Variants in PTPRT observed in about 807,000 individuals in gnomAD.
PTPRT encodes the protein receptor-type tyrosine-protein phosphatase T.
In PTPRT, 56 loss-of-function variants were observed where a neutral mutation model predicts 176.8. That is an observed-to-expected ratio of 0.32 (90% CI 0.26 to 0.40). PTPRT has a LOEUF of 0.40. PTPRT is among the 10% of genes least tolerant of loss of function. PTPRT has a pLI of 1.00. For synonymous variants in PTPRT, 783 were observed against 739.0 expected (o/e 1.06, Z -0.96); for missense variants, 1,540 against 1,908.2 (o/e 0.81, Z 3.60).
intron 1 of PTPRT, among the ~76,000 whole-genome samples, chr20:43,135,635 G>C (rs1263696161): frequency 2.6e-5 from 4 of 151,990 alleles, no homozygotes; most frequent in Non-Finnish European, 4.4e-5. Flanking sequence ...CTGTTACAAA[G>C]AAACACACTG....
intron 9 of PTPRT, among the ~76,000 whole-genome samples, chr20:42,443,922 C>T (rs2059340647): frequency 6.6e-6 from 1 of 152,200 alleles, no homozygotes; most frequent in Non-Finnish European, 1.5e-5. Context: ...GGTGCATTTT[C>T]CAGATGTTTC....
At chr20:42,432,758 A>G (rs1483012449) in intron 9 of PTPRT, among the ~76,000 whole-genome samples, 1 of 152,162 alleles carries the variant, frequency 6.6e-6, no homozygotes, top group Non-Finnish European at 1.5e-5. Flanking sequence ...ACCAATTACA[A>G]ATTTAAAAAT....
At chr20:43,028,194 A>G (rs530276425) in intron 1 of PTPRT, among the ~76,000 whole-genome samples, 1 of 152,254 alleles carries the variant, frequency 6.6e-6, no homozygotes, top group Admixed American at 6.5e-5. Context: ...TGTCTCCTGC[A>G]TGGACTCAGT....
intron 27 of PTPRT, 133 bp downstream of exon 27, chr20:42,098,288 T>C: frequency 8.0e-7 from 1 of 1,250,572 alleles, no homozygotes; most frequent in Non-Finnish European, 1.1e-6. Context: ...CTGATGCTCG[T>C]GGCCAGACAC....
intron 1 of PTPRT, among the ~76,000 whole-genome samples, chr20:43,144,397 C>G (rs753218315): frequency 1.3e-5 from 2 of 152,194 alleles, no homozygotes; most frequent in Non-Finnish European, 2.9e-5. Flanking sequence ...ATTCATTCTT[C>G]CTCCTAACAG....
chr20:42,351,044 AG>A (rs2058276110), intron 10 of PTPRT, among the ~76,000 whole-genome samples: 2 of 152,190 alleles, frequency 1.3e-5, no homozygotes, highest in Admixed American at 1.3e-4. Context: ...AAGAAGTGAA[AG>A]CAGAGTCAAC....
intron 29 of PTPRT, among the ~76,000 whole-genome samples, chr20:42,082,720 G>A (rs967047154): frequency 6.6e-6 from 1 of 152,174 alleles, no homozygotes; most frequent in African/African-American, 2.4e-5. Flanking sequence ...ACTCCTTTCT[G>A]AAACTCCATA....
intron 3 of PTPRT, among the ~76,000 whole-genome samples, chr20:42,781,067 G>A (rs80339795): frequency 0.027 from 4,063 of 151,966 alleles, 195 homozygotes; most frequent in African/African-American, 0.092. Context: ...CCCATACTCC[G>A]GCACAGTCTC....
At chr20:42,911,160 T>G (rs189144111) in intron 1 of PTPRT, among the ~76,000 whole-genome samples, 2 of 152,124 alleles carry the variant, frequency 1.3e-5, no homozygotes, top group Admixed American at 6.5e-5. Flanking sequence ...AAACACTTTT[T>G]TTTTAAATCA....
intron 2 of PTPRT, among the ~76,000 whole-genome samples, chr20:42,811,036 C>A (rs1198423394): frequency 1.3e-5 from 2 of 152,076 alleles, no homozygotes; most frequent in Non-Finnish European, 2.9e-5. Flanking sequence ...ATTATAAATA[C>A]CCATAACTCT....
At chr20:42,936,184 C>A (rs1979417486) in intron 1 of PTPRT, among the ~76,000 whole-genome samples, 2 of 151,912 alleles carry the variant, frequency 1.3e-5, no homozygotes, top group Admixed American at 6.6e-5. Context: ...ATAGAGAAAG[C>A]AAAACAGGAA....
At chr20:43,071,559 G>T (rs1344927063) in intron 1 of PTPRT, among the ~76,000 whole-genome samples, 1 of 152,166 alleles carries the variant, frequency 6.6e-6, no homozygotes, top group Non-Finnish European at 1.5e-5. Flanking sequence ...GCCGATGCAG[G>T]TGGATGACAT....
rs75354519 is a variant in PTPRT, at chr20:42,244,001, T to C, written c.2312+4686A>G. On this transcript the variant is annotated intron_variant, in intron 14 of 30. Transcript: ENST00000373187. The stretch of plus-strand genomic sequence containing the variant: ...GCTGGCCTGGTACAGTTGATGGTCA[T>C]GTGGAGATGAATGTTTCTGTAGATA... 3.8e-3 allele frequency among the ~76,000 whole-genome samples: 584 copies of C among 152,316 alleles called. 3 individuals are homozygous for C. Among genetic ancestry groups the C allele is most frequent in the Non-Finnish European group, 5.6e-3 (378 of 68,034 alleles).
At chr20:42,739,923 G>A (rs6030452) in intron 6 of PTPRT, among the ~76,000 whole-genome samples, 39 of 152,002 alleles carry the variant, frequency 2.6e-4, no homozygotes, top group African/African-American at 8.4e-4. Flanking sequence ...TCCTATTGAG[G>A]GGAAGGGCTC....
chr20:42,648,299 C>A (rs2074952756), intron 7 of PTPRT, among the ~76,000 whole-genome samples: 1 of 152,122 alleles, frequency 6.6e-6, no homozygotes, highest in Non-Finnish European at 1.5e-5. Context: ...TGTTGGGGTG[C>A]TTTGTCCTTA....
intron 6 of PTPRT, among the ~76,000 whole-genome samples, chr20:42,690,234 T>C (rs2075770269): frequency 6.6e-6 from 1 of 152,122 alleles, no homozygotes; most frequent in South Asian, 2.1e-4. Flanking sequence ...GGAATGGTCT[T>C]CATCCTGAGG....
At chr20:42,406,948 TGA>T (rs1344194138) in intron 9 of PTPRT, among the ~76,000 whole-genome samples, 1 of 152,182 alleles carries the variant, frequency 6.6e-6, no homozygotes, top group Admixed American at 6.5e-5. Context: ...TTCTGGTGAC[TGA>T]TACCAAAGCT....
chr20:42,632,532 T>C (rs957563679), intron 7 of PTPRT, among the ~76,000 whole-genome samples: 1 of 152,044 alleles, frequency 6.6e-6, no homozygotes, highest in Non-Finnish European at 1.5e-5. Context: ...CACTATCCTA[T>C]GCTTCTTTTA....
rs571003268 is a variant in PTPRT, at chr20:42,622,390, C to T, written c.1153+55476G>A. Among the ~76,000 whole-genome samples, 276 of 152,184 alleles carry T rather than the reference C, an allele frequency of 1.8e-3. 1 individual carries two copies. Among genetic ancestry groups the T allele is most frequent in the African/African-American group, 5.9e-3 (246 of 41,520 alleles). On this transcript the variant is annotated intron_variant, in intron 7 of 30. Transcript: ENST00000373187. ...CCGAGTAGCTGGGACTACAGGCACC[C>T]GCCAACATGCCGGCTAATTTTTTGT...
Sources: gnomAD v4.1 joint callset for allele counts (sites outside exome capture counted in the v4.1 genomes callset) on GRCh38, gnomAD v4.1.1 for gene constraint, MANE v1.5 for transcripts, NCBI Gene and HGNC (gene_info 2026-07-23, HGNC 2026-07-21) for gene names.